The following SLK variants were observed in gnomAD, a reference collection of about 807,000 sequenced individuals.
The protein encoded by SLK is STE20 like kinase, also known as STE20-like serine/threonine-protein kinase.
A neutral mutation model predicts 147.7 loss-of-function variants in SLK; 67 were observed. The observed-to-expected ratio is 0.45, with a 90% CI of 0.37 to 0.56. The LOEUF is 0.56. Ranked by LOEUF, SLK falls within the 20% of genes least tolerant of loss-of-function variation. The pLI, the probability that SLK is intolerant of heterozygous loss-of-function variation, is 0.00. For missense variants in SLK, 1,136 were observed against 1,438.8 expected (o/e 0.79, Z 3.41); for synonymous variants, 441 against 475.0 (o/e 0.93, Z 0.93).
At chr10:104,011,066 A>G (rs1305196830) in intron 13 of SLK, among the ~76,000 whole-genome samples, 158 bp downstream of exon 13, 1 of 152,232 alleles carries the variant, frequency 6.6e-6, no homozygotes, top group Non-Finnish European at 1.5e-5. Flanking sequence ...TTAATACTAA[A>G]TTCCTACTAA....
intron 1 of SLK, among the ~76,000 whole-genome samples, chr10:103,975,546 T>C (rs1843859512): frequency 6.6e-6 from 1 of 152,130 alleles, no homozygotes; most frequent in South Asian, 2.1e-4. Context: ...TGCAGTCTTA[T>C]TGGTATGTTT....
intron 4 of SLK, among the ~76,000 whole-genome samples, chr10:103,994,570 T>C (rs945566256): frequency 2.0e-5 from 3 of 152,082 alleles, no homozygotes; most frequent in Admixed American, 6.5e-5. Flanking sequence ...GGTGCAAAAA[T>C]TAGTTCTTTA....
At chr10:103,989,460 G>GTTTTTTTTT (rs1202426790) in intron 1 of SLK, among the ~76,000 whole-genome samples, 14 of 96,792 alleles carry the variant, frequency 1.4e-4, no homozygotes, top group African/African-American at 6.1e-4. Context: ...CAGTGTGGCA[G>GTTTTTTTTT]TTTCTTTTTT....
intron 11 of SLK, among the ~76,000 whole-genome samples, chr10:104,006,698 C>T (rs1844330251): frequency 6.6e-6 from 1 of 152,186 alleles, no homozygotes; most frequent in African/African-American, 2.4e-5. Flanking sequence ...TTACAGTACT[C>T]ATGTTTTGAA....
intron 1 of SLK, among the ~76,000 whole-genome samples, chr10:103,977,030 A>C (rs1045783993): frequency 6.6e-6 from 1 of 152,104 alleles, no homozygotes; most frequent in Non-Finnish European, 1.5e-5. Flanking sequence ...ACATTGCCAA[A>C]TGTCTCCTGG....
intron 18 of SLK, among the ~76,000 whole-genome samples, chr10:104,025,032 A>G (rs181938876): frequency 6.6e-6 from 1 of 152,262 alleles, no homozygotes; most frequent in Admixed American, 6.5e-5. Context: ...TCACATCACA[A>G]TGGTGCCTCT....
chr10:104,018,821 C>T lies in SLK; in HGVS notation c.3045C>T (p.His1015=). Residue 1015 remains histidine, a synonymous_variant, in exon 15 of 19, where the codon CAC becomes CAT. Coordinates refer to ENST00000369755, the MANE Select transcript of SLK (RefSeq NM_014720.4). ...CAATTTGGGAGCTCGAAGAACGACA[C>T]TTACAAGAAAAACACCAGCTGCTCA... ...EAAIWELEER[H]LQEKHQLLKQ... 6.2e-7 allele frequency: 1 copy of T among 1,613,046 alleles called. No homozygotes were observed. The highest frequency in any genetic ancestry group is 8.5e-7 in the Non-Finnish European group (1 of 1,179,728).
At chr10:103,990,380 C>G (rs911545066) in intron 1 of SLK, among the ~76,000 whole-genome samples, 1 of 152,202 alleles carries the variant, frequency 6.6e-6, no homozygotes, top group African/African-American at 2.4e-5. Flanking sequence ...AGATGTATCA[C>G]TCTGGTGTGC....
Position 104,005,579 on chromosome 10 carries a change from A to G in SLK, c.2368A>G (p.Lys790Glu). The change falls in exon 10 of 19, where the codon AAA becomes GAA. Residue 790 changes from lysine to glutamate, a missense_variant. Physicochemically the swap from Lys to Glu is moderately conservative, Grantham distance 56. Transcript: ENST00000369755. ...CACTCAGGAAACAAGAAGACAAAAGAAAACATTGAAGAAAACACGCAAATT... is the reference window on the plus strand; with the variant it reads ...CACTCAGGAAACAAGAAGACAAAAGGAAACATTGAAGAAAACACGCAAATT... ...ISLQETRRQK[K>E]TLKKTRKFIV... 1 of 1,607,634 alleles carries G rather than the reference A, an allele frequency of 6.2e-7. No homozygotes were observed. The highest frequency in any genetic ancestry group is 8.5e-7 in the Non-Finnish European group (1 of 1,178,228).
chr10:103,971,265 TTGTTTTGTTTG>T (rs1843788363), intron 1 of SLK, among the ~76,000 whole-genome samples: 1 of 149,374 alleles, frequency 6.7e-6, no homozygotes, highest in South Asian at 2.1e-4. Flanking sequence ...TTTGTTGTTG[TTGTTTTGTTTG>T]TGTTTTGTTT....
chr10:103,988,594 T>G (rs560392248), intron 1 of SLK, among the ~76,000 whole-genome samples: 13 of 152,300 alleles, frequency 8.5e-5, no homozygotes, highest in African/African-American at 2.6e-4. Flanking sequence ...TGGATTTAAA[T>G]TCTGTTTCTG....
At position 104,027,904 on chromosome 10, in the gene SLK, C is replaced by T. The variant is rs1403870215; in HGVS notation, c.*2184C>T. ...CTCCCTTAAAACTGCCTTTTGGATT[C>T]AGTGTTTGTGCTTGAGTTCGCTTTC... On this transcript the variant is annotated 3_prime_UTR_variant, in exon 19 of 19. Coordinates refer to ENST00000369755, the MANE Select transcript of SLK (RefSeq NM_014720.4). The T allele has an allele frequency of 6.6e-6, 1 of 152,146 alleles. No homozygotes were observed. The highest frequency in any genetic ancestry group is 6.6e-5 in the Admixed American group (1 of 15,266). The allele number at this position is 152,146 out of a possible 1,614,324, so 9.4% of individuals were successfully genotyped here.
chr10:103,999,308 C>T lies in SLK; in HGVS notation c.777C>T (p.Ser259=). ...AGCCACCTACATTAGCACAGCCATC[C>T]AGATGGTAAAAATATTCTTAAAAAA... ...KSEPPTLAQP[S]RWSSNFKDFL... Residue 259 remains serine (S), a synonymous_variant, in exon 6 of 19, where the codon TCC becomes TCT. Coordinates refer to ENST00000369755, the MANE Select transcript of SLK (RefSeq NM_014720.4). The T allele has an allele frequency of 1.9e-6, 3 of 1,593,850 alleles. No homozygotes were observed. Among genetic ancestry groups the T allele is most frequent in the Non-Finnish European group, 2.6e-6 (3 of 1,172,654 alleles).
chr10:103,990,854 T>C lies in SLK; in HGVS notation c.315+15T>C. 6.8e-7 allele frequency: 1 copy of C among 1,474,034 alleles called. No individual in the cohort carries two copies. The highest frequency in any genetic ancestry group is 9.0e-7 in the Non-Finnish European group (1 of 1,115,896). 91.3% of individuals were successfully genotyped at this position (1,474,034 alleles called of 1,614,324 possible). ...ACAATCTTTGGGTAAGTATTTTCTG[T>C]TGATCTAAAGGAGTAGCCAAAATGA... is the stretch of plus-strand genomic sequence containing the variant. On this transcript the variant is annotated intron_variant, in intron 2 of 18. Coordinates refer to ENST00000369755, the MANE Select transcript of SLK (RefSeq NM_014720.4).
Position 104,021,725 on chromosome 10 carries a change from A to T in SLK, c.3553A>T (p.Arg1185Trp), listed in dbSNP as rs1283529520. ...LKEWREKLRPRKKTLEEEFAR... is the reference protein window; with the variant it reads ...LKEWREKLRPWKKTLEEEFAR... ...GGAGTGGAGAGAGAAATTGAGACCT[A>T]GGAAAAAGGTAATTTTAAAAGCTTT... Residue 1185 changes from arginine (R) to tryptophan (W), a missense_variant, in exon 18 of 19, where the codon AGG (arginine) becomes TGG (tryptophan). Around this residue, in one of 6 missense-constraint regions of SLK, gnomAD observed 327 missense variants for 457.5 expected, o/e 0.71. Transcript: ENST00000369755. 5 of 1,552,150 alleles carry T rather than the reference A, an allele frequency of 3.2e-6. No homozygotes were observed. The African/African-American group carries it at 4.1e-5, about 13-fold the overall frequency.
chr10:104,019,342 CAT>C (rs1387899263), intron 15 of SLK, among the ~76,000 whole-genome samples: 2 of 152,036 alleles, frequency 1.3e-5, no homozygotes, highest in Non-Finnish European at 2.9e-5. Context: ...GGCACTCAGT[CAT>C]AGCTCACTTA....
At chr10:104,011,318 A>G (rs1390340592) in intron 13 of SLK, among the ~76,000 whole-genome samples, 3 of 152,260 alleles carry the variant, frequency 2.0e-5, no homozygotes, top group Non-Finnish European at 4.4e-5. Flanking sequence ...TATTATTTCT[A>G]TAAAGTGCAG....
At chr10:104,008,118 T>G (rs1195221154) in intron 11 of SLK, 59 bp from the exon 12 acceptor site, 2 of 1,281,612 alleles carry the variant, frequency 1.6e-6, no homozygotes, top group Admixed American at 2.1e-5. Context: ...ACATCTTTAC[T>G]ATAAGGTATT....
chr10:103,992,894 C>A, intron 3 of SLK, 90 bp from the exon 4 acceptor site: 1 of 894,354 alleles, frequency 1.1e-6, no homozygotes, highest in Admixed American at 2.6e-5. Context: ...TGATCTTTGA[C>A]AGTGATGATA....
Sources: gnomAD v4.1 joint callset for allele counts (sites outside exome capture counted in the v4.1 genomes callset) on GRCh38, gnomAD v4.1.1 for gene constraint, gnomAD v4.1.1 regional missense constraint, MANE v1.5 for transcripts, NCBI Gene and HGNC (gene_info 2026-07-23, HGNC 2026-07-21) for gene names.